GTF2IRD2B: variants seen among roughly 807,000 people sequenced by gnomAD.
GTF2IRD2B encodes general transcription factor II-I repeat domain-containing protein 2B.
GTF2IRD2B carries 10 observed loss-of-function variants against 55.6 expected under a neutral mutation model. The ratio of observed to expected loss-of-function variants is 0.18; its 90% CI spans 0.11 to 0.31. GTF2IRD2B has a LOEUF of 0.31. Among genes scored for constraint, GTF2IRD2B ranks in the 10% least tolerant of loss-of-function variants. GTF2IRD2B has a pLI of 1.00. For synonymous variants in GTF2IRD2B, 107 were observed against 320.5 expected (o/e 0.33, Z 7.12); for missense variants, 206 against 802.7 (o/e 0.26, Z 8.98).
Position 75,123,080 on chromosome 7 carries a change from A to C in GTF2IRD2B, c.359-56A>C, listed in dbSNP as rs1204889518. On this transcript the variant is annotated intron_variant, in intron 4 of 15. Transcript: ENST00000472837. ...AACAAAAAACAAAAAACAAAAAAAA[A>C]AAACTGGTAGAACGTTAGGTTCACA... 14 of 1,566,942 alleles carry C rather than the reference A, an allele frequency of 8.9e-6. No homozygotes were observed. The African/African-American group carries it at 1.6e-4, about 18-fold the overall frequency.
chr7:75,107,215 C>T (rs1285125364), intron 1 of GTF2IRD2B, among the ~76,000 whole-genome samples: 1 of 151,572 alleles, frequency 6.6e-6, no homozygotes, highest in African/African-American at 2.4e-5. Flanking sequence ...GTTTGTTTTA[C>T]GGGGAGGCCA....
rs1325596207 is a variant in GTF2IRD2B at position 75,132,563 on chromosome 7, T to C, written c.671-572T>C. ...CTCCTTCCTTCTTTTTTTTTTTTTT[T>C]TTTTTTTTTTGAGATGGAGTCTCGC... On this transcript the variant is annotated intron_variant, in intron 8 of 15. Coordinates refer to ENST00000472837, the MANE Select transcript of GTF2IRD2B (RefSeq NM_001003795.3). Among the ~76,000 whole-genome samples, 22 of 125,892 alleles carry C rather than the reference T, an allele frequency of 1.7e-4. 2 individuals are homozygous for C. Among genetic ancestry groups the C allele is most frequent in the African/African-American group, 6.5e-4 (19 of 29,370 alleles). The allele number at this position is 125,892 out of a possible 152,430, so 82.6% of individuals were successfully genotyped here.
chr7:75,103,632 GCACCCATTTC>G (rs1410158486), intron 1 of GTF2IRD2B, among the ~76,000 whole-genome samples: 1 of 151,776 alleles, frequency 6.6e-6, no homozygotes, highest in Non-Finnish European at 1.5e-5. Context: ...TGACCCGGAT[GCACCCATTTC>G]CAGAGAGCAG....
intron 1 of GTF2IRD2B, among the ~76,000 whole-genome samples, chr7:75,104,053 C>CAAAAA (rs587607735): frequency 2.3e-5 from 2 of 87,778 alleles, no homozygotes; most frequent in African/African-American, 4.5e-5. Context: ...GACTCCGTCT[C>CAAAAA]AAAAAAAAAA....
chr7:75,099,781 T>TAAATAAATAAATAAAA (rs1486185057), intron 1 of GTF2IRD2B, among the ~76,000 whole-genome samples: 6 of 139,556 alleles, frequency 4.3e-5, no homozygotes, highest in Non-Finnish European at 9.5e-5. Context: ...AATAAATAAA[T>TAAATAAATAAATAAAA]AAAACATAAT....
chr7:75,106,217 A>G (rs1409399815), intron 1 of GTF2IRD2B, among the ~76,000 whole-genome samples: 1 of 152,308 alleles, frequency 6.6e-6, no homozygotes, highest in Non-Finnish European at 1.5e-5. Context: ...AGCCTGACCA[A>G]TATGATGAAA....
At chr7:75,104,111 G>C (rs1409997105) in intron 1 of GTF2IRD2B, among the ~76,000 whole-genome samples, 1 of 130,694 alleles carries the variant, frequency 7.7e-6, no homozygotes, top group Non-Finnish European at 1.6e-5. Flanking sequence ...CCCTTGGGCT[G>C]TTGCTGTGGC....
At chr7:75,104,069 A>G (rs1183950028) in intron 1 of GTF2IRD2B, among the ~76,000 whole-genome samples, 3 of 144,094 alleles carry the variant, frequency 2.1e-5, no homozygotes, top group African/African-American at 7.9e-5. Flanking sequence ...AAAAAAAAAA[A>G]AAAGACATAG....
At chr7:75,121,762 A>G (rs1346461488) in intron 4 of GTF2IRD2B, among the ~76,000 whole-genome samples, 1 of 142,222 alleles carries the variant, frequency 7.0e-6, no homozygotes, top group African/African-American at 2.6e-5. Flanking sequence ...CCTGGCCACC[A>G]GTTCTTTTTT....
At chr7:75,132,441 G>C (rs1453742237) in intron 8 of GTF2IRD2B, among the ~76,000 whole-genome samples, 2 of 143,328 alleles carry the variant, frequency 1.4e-5, no homozygotes, top group Non-Finnish European at 3.0e-5. Flanking sequence ...AAATGCACGT[G>C]GATATTCAGC....
At position 75,093,180 on chromosome 7, in the gene GTF2IRD2B, C is replaced by G. The variant is rs1359905458; in HGVS notation, c.-6+415C>G. Among the ~76,000 whole-genome samples, 8 of 150,900 alleles carry G rather than the reference C, an allele frequency of 5.3e-5. No individual in the cohort carries two copies. The South Asian group carries it at 6.2e-4, about 12-fold the overall frequency. ...GGCAACTGCGCCCCGGATCCGCCCC[C>G]TGACGTCACGCGTTGCCTAGAGGCC... is the stretch of plus-strand genomic sequence containing the variant. On this transcript the variant is annotated intron_variant, in intron 1 of 15. Transcript: ENST00000472837.
chr7:75,105,582 T>G (rs1807768436), intron 1 of GTF2IRD2B, among the ~76,000 whole-genome samples: 1 of 152,306 alleles, frequency 6.6e-6, no homozygotes, highest in Non-Finnish European at 1.5e-5. Context: ...ATAATAGAGA[T>G]ATAGAGATTT....
intron 10 of GTF2IRD2B, among the ~76,000 whole-genome samples, chr7:75,136,410 C>G (rs1316823807): frequency 2.7e-5 from 4 of 148,218 alleles, no homozygotes; most frequent in African/African-American, 5.1e-5. Context: ...AAGCAATTCT[C>G]CCTCCTCAGC....
Position 75,132,787 on chromosome 7 carries a change from A to T in GTF2IRD2B, c.671-348A>T, listed in dbSNP as rs587722203. Among the ~76,000 whole-genome samples, 3 of 148,852 alleles carry T rather than the reference A, an allele frequency of 2.0e-5. No individual in the cohort carries two copies. The South Asian group carries it at 6.2e-4, about 31-fold the overall frequency. On this transcript the variant is annotated intron_variant, in intron 8 of 15. Coordinates refer to ENST00000472837, the MANE Select transcript of GTF2IRD2B (RefSeq NM_001003795.3). ...AGGTTGGTCTCAAACTCCTGACCTCAAGTGATCTGCCCGCCTCAGCCTTCC... is the reference window on the plus strand; with the variant it reads ...AGGTTGGTCTCAAACTCCTGACCTCTAGTGATCTGCCCGCCTCAGCCTTCC...
At chr7:75,132,568 T>A in intron 8 of GTF2IRD2B, among the ~76,000 whole-genome samples, 1 of 127,684 alleles carries the variant, frequency 7.8e-6, no homozygotes, top group Non-Finnish European at 1.6e-5. Context: ...TTTTTTTTTT[T>A]TTTTTGAGAT....
At chr7:75,139,999 A>G (rs1309766352) in intron 12 of GTF2IRD2B, among the ~76,000 whole-genome samples, 1 of 68,728 alleles carries the variant, frequency 1.5e-5, no homozygotes, top group African/African-American at 9.3e-5. Flanking sequence ...CAGCCTGCAC[A>G]GCACAGTGAG....
chr7:75,102,269 G>A (rs1288960668), intron 1 of GTF2IRD2B, among the ~76,000 whole-genome samples: 1 of 151,452 alleles, frequency 6.6e-6, no homozygotes, highest in Admixed American at 6.6e-5. Flanking sequence ...CCAAAGTGCT[G>A]GGATTACAGG....
intron 1 of GTF2IRD2B, among the ~76,000 whole-genome samples, chr7:75,106,384 C>T (rs1363663872): frequency 2.6e-5 from 4 of 151,876 alleles, no homozygotes; most frequent in African/African-American, 9.7e-5. Context: ...GCCTGGGTGA[C>T]AAGAGTGAAA....
intron 3 of GTF2IRD2B, among the ~76,000 whole-genome samples, chr7:75,117,460 G>T (rs1447950186): frequency 6.6e-6 from 1 of 152,298 alleles, no homozygotes; most frequent in Admixed American, 6.5e-5. Flanking sequence ...TGCCTGTGAT[G>T]ACCAACAGCA....
Sources: gnomAD v4.1 joint callset for allele counts (sites outside exome capture counted in the v4.1 genomes callset) on GRCh38, gnomAD v4.1.1 for gene constraint, MANE v1.5 for transcripts, NCBI Gene and HGNC (gene_info 2026-07-23, HGNC 2026-07-21) for gene names.